ACACB: variants seen among roughly 807,000 people sequenced by gnomAD.
ACACB encodes the protein acetyl-CoA carboxylase 2.
A neutral mutation model predicts 278.8 loss-of-function variants in ACACB; 209 were observed. The observed-to-expected ratio is 0.75, with a 90% CI of 0.67 to 0.84. The LOEUF (loss-of-function observed/expected upper bound fraction) is 0.84, where lower values mean the gene tolerates loss of function less well. Ranked by LOEUF, ACACB falls within the 40% of genes least tolerant of loss-of-function variation. The probability of loss-of-function intolerance (pLI) is 0.00; values close to 1 mark genes in which losing one functional copy is unlikely to be tolerated. For missense variants in ACACB, 2,850 were observed against 3,269.0 expected, an observed-to-expected ratio of 0.87 and a Z score of 3.13; for synonymous variants, 1,174 against 1,285.6, an observed-to-expected ratio of 0.91 and a Z score of 1.86.
At chr12:109,205,597 G>A (rs751134173) in intron 19 of ACACB, among the ~76,000 whole-genome samples, 5 of 151,938 alleles carry the variant, frequency 3.3e-5, no homozygotes, top group East Asian at 3.9e-4. Flanking sequence ...TTACAGGCAC[G>A]CGCCACCATG....
At chr12:109,168,191 T>C (rs34286) in intron 4 of ACACB, among the ~76,000 whole-genome samples, 157 bp downstream of exon 4, 128,519 of 152,134 alleles carry the variant, frequency 0.84, 54,764 homozygotes, top group Middle Eastern at 0.9. Context: ...TTAATTAAAA[T>C]GTCTGCTGAC....
intron 48 of ACACB, among the ~76,000 whole-genome samples, chr12:109,260,968 C>T (rs1414614181): frequency 2.6e-5 from 4 of 152,164 alleles, no homozygotes; most frequent in African/African-American, 7.2e-5. Flanking sequence ...AGTTTTATAT[C>T]CCAGGGTCTA....
At chr12:109,224,980 A>T (rs1322573834) in intron 27 of ACACB, among the ~76,000 whole-genome samples, 1 of 152,128 alleles carries the variant, frequency 6.6e-6, no homozygotes, top group African/African-American at 2.4e-5. Context: ...CACAGTGAGA[A>T]GGTTTACTGG....
intron 15 of ACACB, among the ~76,000 whole-genome samples, chr12:109,192,619 G>T (rs2044934185): frequency 1.3e-5 from 2 of 152,042 alleles, no homozygotes; most frequent in African/African-American, 4.8e-5. Context: ...GCTGCAAGAG[G>T]CAAAGGAACT....
chr12:109,222,770 C>T lies in ACACB; in HGVS notation c.3679-29C>T, dbSNP rs184900865. ...CCTTCTGCCCTGGGAGGTTGGCTCACGCCAGCGCCCCCATCCCTCCCCCTG... is the reference window on the plus strand; with the variant it reads ...CCTTCTGCCCTGGGAGGTTGGCTCATGCCAGCGCCCCCATCCCTCCCCCTG... On this transcript the variant is annotated intron_variant, in intron 25 of 52. Coordinates refer to ENST00000338432, the MANE Select transcript of ACACB (RefSeq NM_001093.4). The T allele has an allele frequency of 2.7e-4, 434 of 1,593,606 alleles. 2 individuals carry two copies. The Middle Eastern group carries it at 4.0e-3, about 15-fold the overall frequency.
At chr12:109,140,715 G>A (rs986779455) in intron 2 of ACACB, among the ~76,000 whole-genome samples, 10 of 151,980 alleles carry the variant, frequency 6.6e-5, no homozygotes, top group South Asian at 2.1e-4. Context: ...CACAGGGCTC[G>A]ATGCCATGAA....
intron 7 of ACACB, 24 bp downstream of exon 7, chr12:109,174,254 T>G: frequency 6.4e-7 from 1 of 1,573,462 alleles, no homozygotes; most frequent in Non-Finnish European, 8.7e-7. Context: ...AGCTTCCCTC[T>G]GGGGGAGCTT....
intron 42 of ACACB, chr12:109,252,438 C>G: frequency 3.7e-6 from 1 of 267,822 alleles, no homozygotes; most frequent in East Asian, 6.7e-5. Context: ...AAAGGAACCC[C>G]CCAAAAAAGT....
At chr12:109,184,694 A>G (rs1032014512) in intron 11 of ACACB, among the ~76,000 whole-genome samples, 1 of 149,034 alleles carries the variant, frequency 6.7e-6, no homozygotes, top group Non-Finnish European at 1.5e-5. Flanking sequence ...CATCCTTGAC[A>G]TTGGCATTAA....
At chr12:109,157,251 C>A (rs74417091) in intron 2 of ACACB, among the ~76,000 whole-genome samples, 1 of 132,490 alleles carries the variant, frequency 7.5e-6, no homozygotes, top group East Asian at 2.2e-4. Flanking sequence ...GGGACTAGCC[C>A]TCATAGGCCT....
Position 109,139,489 on chromosome 12 carries a change from C to T in ACACB, c.84C>T (p.Asp28=). The T allele has an allele frequency of 6.2e-7, 1 of 1,614,170 alleles. No homozygotes were observed. The highest frequency in any genetic ancestry group is 1.7e-5 in the Admixed American group (1 of 60,020). The change falls in exon 2 of 53, where the codon GAC becomes GAT. Residue 28 remains aspartate, a synonymous_variant. Transcript: ENST00000338432. ...TAAAAATCTGGGGGAAAATGACGGACTCCAAGCCGATCACCAAGAGTAAAT... is the reference window on the plus strand; with the variant it reads ...TAAAAATCTGGGGGAAAATGACGGATTCCAAGCCGATCACCAAGAGTAAAT... ...SWLKIWGKMT[D]SKPITKSKSE...
chr12:109,230,066 T>C (rs1355703719), intron 28 of ACACB, among the ~76,000 whole-genome samples: 2 of 152,190 alleles, frequency 1.3e-5, no homozygotes, highest in Non-Finnish European at 2.9e-5. Context: ...GATGTCATTG[T>C]GATTTGGGAG....
intron 24 of ACACB, among the ~76,000 whole-genome samples, chr12:109,217,807 A>T (rs2046048652): frequency 6.6e-6 from 1 of 152,190 alleles, no homozygotes; most frequent in South Asian, 2.1e-4. Flanking sequence ...CTCAAAAAAC[A>T]ACAAAAAAAA....
intron 2 of ACACB, among the ~76,000 whole-genome samples, chr12:109,141,202 T>C (rs2043115253): frequency 6.6e-6 from 1 of 152,084 alleles, no homozygotes; most frequent in African/African-American, 2.4e-5. Context: ...AGCCCATTCA[T>C]TCATTCATTC....
In ACACB at chr12:109,180,700, C is replaced by T. The variant is rs557841612; in HGVS notation, c.1818+613C>T. On this transcript the variant is annotated intron_variant, in intron 11 of 52. Transcript: ENST00000338432. Reference sequence around the variant, plus strand: ...TTGCCCAGGCTGGAGTGCAGTGGCGCGATCTCGGCTCACTGCAGCCTCCGC... The same window carrying T: ...TTGCCCAGGCTGGAGTGCAGTGGCGTGATCTCGGCTCACTGCAGCCTCCGC... 1.4e-3 allele frequency among the ~76,000 whole-genome samples: 209 copies of T among 152,106 alleles called. 1 individual carries two copies. Among genetic ancestry groups the T allele is most frequent in the African/African-American group, 4.8e-3 (198 of 41,486 alleles).
chr12:109,245,819 T>C (rs2046926368), intron 38 of ACACB, 71 bp downstream of exon 38: 1 of 1,568,846 alleles, frequency 6.4e-7, no homozygotes, highest in South Asian at 1.2e-5. Flanking sequence ...CCAGGTGCAG[T>C]AGCTCACACC....
chr12:109,247,162 G>A (rs184798848), intron 39 of ACACB, among the ~76,000 whole-genome samples: 38 of 151,922 alleles, frequency 2.5e-4, no homozygotes, highest in Admixed American at 7.9e-4. Flanking sequence ...GGAAGCGCAC[G>A]CATTCTGTGA....
Position 109,255,135 on chromosome 12 carries a change from CACACAT to C in ACACB, c.6166+802_6166+807del, listed in dbSNP as rs374591632. Among the ~76,000 whole-genome samples the C allele has an allele frequency of 7.9e-5, 12 of 152,290 alleles. No homozygotes were observed. In the East Asian group the frequency reaches 2.1e-3, roughly 27 times the overall value. On this transcript the variant is annotated intron_variant, in intron 44 of 52. Coordinates refer to ENST00000338432, the MANE Select transcript of ACACB (RefSeq NM_001093.4). The stretch of plus-strand genomic sequence containing the variant: ...ACACACACGCACGTGGACACGTGAA[CACACAT>C]GCACATGCACACACATTTTTGCACA...
chr12:109,265,382 TC>T lies in ACACB; in HGVS notation c.7114-3del, dbSNP rs1407801742. ...CCTCTCTGAGGCATCCTCTGCCCCC[TC>T]CCCAGGCCTACTTGTGGGACAACAA... On this transcript the variant is annotated splice_polypyrimidine_tract_variant and splice_region_variant and intron_variant, in intron 51 of 52. Transcript: ENST00000338432. The T allele has an allele frequency of 6.2e-7, 1 of 1,613,512 alleles. No homozygotes were observed. The highest frequency in any genetic ancestry group is 8.5e-7 in the Non-Finnish European group (1 of 1,179,790).
Sources: gnomAD v4.1 joint callset for allele counts (sites outside exome capture counted in the v4.1 genomes callset) on GRCh38, gnomAD v4.1.1 for gene constraint, MANE v1.5 for transcripts, NCBI Gene and HGNC (gene_info 2026-07-23, HGNC 2026-07-21) for gene names.